Variants in DPRX observed in about 807,000 individuals in gnomAD.
The protein encoded by DPRX is divergent paired-related homeobox.
DPRX carries 11 observed loss-of-function variants against 8.4 expected under a neutral mutation model. The ratio of observed to expected loss-of-function variants is 1.31; its 90% CI spans 0.82 to 2.17. DPRX has a LOEUF of 2.17. Among genes scored for constraint, DPRX ranks in the 30% most tolerant of loss-of-function variants. DPRX has a pLI of 0.00. For missense variants in DPRX, 211 were observed against 236.7 expected (o/e 0.89, Z 0.71); for synonymous variants, 72 against 87.0 (o/e 0.83, Z 0.96).
At chr19:53,608,951 G>A in the DPRX span, among the ~76,000 whole-genome samples, 20 of 25,090 alleles carry the variant, frequency 8.0e-4, no homozygotes, top group South Asian at 0.037. Flanking sequence ...GTGAGACTCC[G>A]TCAAAAAAAA....
the DPRX span, among the ~76,000 whole-genome samples, chr19:53,627,043 A>G: frequency 6.6e-6 from 1 of 152,090 alleles, no homozygotes; most frequent in Non-Finnish European, 1.5e-5. Flanking sequence ...TTAGGACACC[A>G]ATTTAATCCC....
chr19:53,634,412 C>A, intron 1 of DPRX, 119 bp from the exon 2 acceptor site: 1 of 1,321,198 alleles, frequency 7.6e-7, no homozygotes. Flanking sequence ...GCCTCGGTGA[C>A]AGAACCTCAG....
chr19:53,609,181 C>T, the DPRX span, among the ~76,000 whole-genome samples: 1 of 151,510 alleles, frequency 6.6e-6, no homozygotes, highest in Non-Finnish European at 1.5e-5. Context: ...TAAAAACAGA[C>T]ATATGGCTGG....
the DPRX span, among the ~76,000 whole-genome samples, chr19:53,623,596 C>G: frequency 6.6e-6 from 1 of 151,610 alleles, no homozygotes; most frequent in Non-Finnish European, 1.5e-5. Flanking sequence ...AGAGATTGCA[C>G]CATTGCACTC....
the DPRX span, among the ~76,000 whole-genome samples, chr19:53,617,924 G>A: frequency 2.6e-5 from 4 of 152,170 alleles, no homozygotes; most frequent in East Asian, 1.9e-4. Context: ...CAGATCACGA[G>A]GTCAGGAGTT....
At chr19:53,601,623 C>A in the DPRX span, among the ~76,000 whole-genome samples, 52 of 151,646 alleles carry the variant, frequency 3.4e-4, no homozygotes, top group South Asian at 2.1e-3. Context: ...CTGGGATTAC[C>A]GGCACACACC....
the DPRX span, among the ~76,000 whole-genome samples, chr19:53,609,114 A>G: frequency 1.3e-5 from 2 of 152,066 alleles, no homozygotes; most frequent in Non-Finnish European, 2.9e-5. Flanking sequence ...ACATCATGTT[A>G]CCTGACTTCA....
upstream of DPRX, chr19:53,631,985 CA>C: frequency 7.4e-7 from 1 of 1,348,040 alleles, no homozygotes; most frequent in Non-Finnish European, 1.1e-6. Flanking sequence ...GCAGATAGGG[CA>C]GAGAAAGGTG....
chr19:53,634,908 C>A (rs2091106558), intron 2 of DPRX, among the ~76,000 whole-genome samples: 1 of 152,178 alleles, frequency 6.6e-6, no homozygotes, highest in African/African-American at 2.4e-5. Context: ...GCTTTGTGGG[C>A]CATACCGTCT....
the DPRX span, among the ~76,000 whole-genome samples, chr19:53,622,619 C>T: frequency 2.0e-5 from 3 of 152,104 alleles, no homozygotes. Context: ...GCAACCCAGT[C>T]TCTTCATAAT....
chr19:53,619,544 G>A, the DPRX span, among the ~76,000 whole-genome samples: 259 of 152,046 alleles, frequency 1.7e-3, 7 homozygotes, highest in East Asian at 0.045. Flanking sequence ...GCGTGGTGGT[G>A]CATGCTTGTA....
the DPRX span, among the ~76,000 whole-genome samples, chr19:53,621,297 TA>T: frequency 1.3e-5 from 2 of 152,038 alleles, no homozygotes; most frequent in Non-Finnish European, 2.9e-5. Context: ...AGTGCCCGGC[TA>T]ATTTTTTTAT....
chr19:53,612,733 C>G, the DPRX span, among the ~76,000 whole-genome samples: 5 of 151,824 alleles, frequency 3.3e-5, no homozygotes, highest in Admixed American at 6.6e-5. Flanking sequence ...AAAAAAGACC[C>G]CCTCTCTATG....
the DPRX span, among the ~76,000 whole-genome samples, chr19:53,619,311 C>T: frequency 0.11 from 17,268 of 151,938 alleles, 1,082 homozygotes; most frequent in Non-Finnish European, 0.14. Flanking sequence ...GAATCCGAGG[C>T]GAGCAGATCA....
At chr19:53,611,793 A>T in the DPRX span, among the ~76,000 whole-genome samples, 204 of 152,178 alleles carry the variant, frequency 1.3e-3, no homozygotes, top group African/African-American at 4.7e-3. Context: ...TTCAAATTTG[A>T]GGTGAACTGG....
At chr19:53,607,614 G>T in the DPRX span, among the ~76,000 whole-genome samples, 1 of 151,718 alleles carries the variant, frequency 6.6e-6, no homozygotes, top group East Asian at 1.9e-4. Flanking sequence ...CACTTTGAGA[G>T]GCCAAGGTGG....
the DPRX span, among the ~76,000 whole-genome samples, chr19:53,611,480 G>A: frequency 6.6e-6 from 1 of 151,740 alleles, no homozygotes; most frequent in African/African-American, 2.4e-5. Context: ...TGATCCACCC[G>A]CCTCAGCCTC....
upstream of DPRX, among the ~76,000 whole-genome samples, chr19:53,629,425 T>C (rs1243778733): frequency 1.3e-5 from 2 of 151,748 alleles, no homozygotes; most frequent in Non-Finnish European, 2.9e-5. Context: ...AGGTTACATA[T>C]TATATAATGT....
chr19:53,626,658 G>A, the DPRX span, among the ~76,000 whole-genome samples: 44 of 152,290 alleles, frequency 2.9e-4, 1 homozygote, highest in South Asian at 8.5e-3. Flanking sequence ...CTGGTCTTCC[G>A]GTTTGGCAAT....
Sources: allele counts gnomAD v4.1 joint callset (sites outside exome capture counted in the v4.1 genomes callset), GRCh38; gene constraint gnomAD v4.1.1; transcripts MANE v1.5; gene names NCBI Gene and HGNC (gene_info 2026-07-23, HGNC 2026-07-21).